DPYD: variants seen among roughly 807,000 people sequenced by gnomAD.
DPYD encodes the protein dihydropyrimidine dehydrogenase [NADP(+)].
DPYD carries 109 observed loss-of-function variants against 116.2 expected under a neutral mutation model. The observed-to-expected ratio is 0.94, with a 90% confidence interval of 0.80 to 1.10. The LOEUF (loss-of-function observed/expected upper bound fraction) is 1.10, where lower values mean the gene tolerates loss of function less well. DPYD is among the 50% of genes least tolerant of loss of function. The probability of loss-of-function intolerance (pLI) is 0.00; values close to 1 mark genes in which losing one functional copy is unlikely to be tolerated. For synonymous variants in DPYD, 440 were observed against 432.0 expected, an observed-to-expected ratio of 1.02 and a Z score of -0.23; for missense variants, 1,302 against 1,254.5, an observed-to-expected ratio of 1.04 and a Z score of -0.57.
chr1:97,166,270 T>C (rs959205046), intron 20 of DPYD, among the ~76,000 whole-genome samples: 2 of 152,150 alleles, frequency 1.3e-5, no homozygotes, highest in African/African-American at 4.8e-5. Context: ...AAGAATGAGA[T>C]CATGTCCTGT....
At chr1:97,380,133 A>G (rs539441215) in intron 15 of DPYD, among the ~76,000 whole-genome samples, 1 of 152,348 alleles carries the variant, frequency 6.6e-6, no homozygotes, top group South Asian at 2.1e-4. Flanking sequence ...GATCGACTAC[A>G]CTGGATTAAA....
At chr1:97,528,210 C>T (rs1439273432) in intron 12 of DPYD, among the ~76,000 whole-genome samples, 1 of 151,980 alleles carries the variant, frequency 6.6e-6, no homozygotes, top group African/African-American at 2.4e-5. Flanking sequence ...AGGCCTAGCT[C>T]CAGTGATTAC....
intron 13 of DPYD, among the ~76,000 whole-genome samples, chr1:97,494,333 A>T (rs1025061901): frequency 6.6e-6 from 1 of 152,182 alleles, no homozygotes; most frequent in Non-Finnish European, 1.5e-5. Context: ...ATTAGCTGGG[A>T]CTACAGGCAT....
intron 8 of DPYD, among the ~76,000 whole-genome samples, chr1:97,653,299 TCTC>T (rs1658699603): frequency 6.6e-6 from 1 of 151,238 alleles, no homozygotes. Context: ...TTTGTTTCTT[TCTC>T]CTTTTTTTTT....
intron 16 of DPYD, among the ~76,000 whole-genome samples, chr1:97,349,565 C>G (rs996213947): frequency 6.6e-6 from 1 of 151,992 alleles, no homozygotes; most frequent in African/African-American, 2.4e-5. Flanking sequence ...TCTCATTGTT[C>G]AATTCCCACC....
intron 18 of DPYD, among the ~76,000 whole-genome samples, chr1:97,268,558 G>C (rs1005372793): frequency 6.6e-6 from 1 of 152,092 alleles, no homozygotes. Flanking sequence ...TGAAGAATTA[G>C]CACTATGTGG....
intron 13 of DPYD, among the ~76,000 whole-genome samples, chr1:97,469,960 C>T (rs1284532464): frequency 2.6e-5 from 4 of 152,098 alleles, no homozygotes; most frequent in South Asian, 2.1e-4. Flanking sequence ...TCATTTTCAT[C>T]GTTCTTGCAA....
At chr1:97,771,024 A>C (rs1312453881) in intron 3 of DPYD, among the ~76,000 whole-genome samples, 1 of 152,190 alleles carries the variant, frequency 6.6e-6, no homozygotes, top group Non-Finnish European at 1.5e-5. Flanking sequence ...GCTAACATTA[A>C]AAAGAAAAAT....
intron 1 of DPYD, among the ~76,000 whole-genome samples, chr1:97,908,097 G>A (rs1274553564): frequency 6.6e-6 from 1 of 151,946 alleles, no homozygotes; most frequent in Non-Finnish European, 1.5e-5. Flanking sequence ...CCAAGCTGGA[G>A]TGCAGTGGTG....
chr1:97,203,376 C>A (rs986782104), intron 19 of DPYD, among the ~76,000 whole-genome samples: 1 of 150,990 alleles, frequency 6.6e-6, no homozygotes, highest in Admixed American at 6.6e-5. Flanking sequence ...TTTATCATAT[C>A]ATTCACTAAA....
chr1:97,896,146 A>G (rs1231961591), intron 1 of DPYD, among the ~76,000 whole-genome samples: 2 of 151,792 alleles, frequency 1.3e-5, no homozygotes, highest in Non-Finnish European at 2.9e-5. Context: ...TTAACATTTG[A>G]TTTCACGTCC....
chr1:97,295,770 C>T (rs748658315), intron 18 of DPYD: 4 of 984,044 alleles, frequency 4.1e-6, no homozygotes, highest in Non-Finnish European at 4.8e-6. Context: ...CTGTAAGAGA[C>T]ATAGTTAAGT....
chr1:97,085,014 T>G (rs1407539336), intron 21 of DPYD, among the ~76,000 whole-genome samples: 1 of 152,176 alleles, frequency 6.6e-6, no homozygotes, highest in Non-Finnish European at 1.5e-5. Flanking sequence ...CTGAACATTT[T>G]TATTGATATG....
At chr1:97,401,002 CTATTCTAATAGATGTGTAGTGG>C (rs1673342072) in intron 14 of DPYD, among the ~76,000 whole-genome samples, 1 of 152,032 alleles carries the variant, frequency 6.6e-6, no homozygotes, top group African/African-American at 2.4e-5. Context: ...TGAATTTTGG[CTATTCTAATAGATGTGTAGTGG>C]TACCTCATTG....
chr1:97,144,203 T>G (rs762171005), intron 20 of DPYD, among the ~76,000 whole-genome samples: 2 of 152,224 alleles, frequency 1.3e-5, no homozygotes, highest in Non-Finnish European at 2.9e-5. Flanking sequence ...TGCAGAGACA[T>G]AGGCAAATGC....
chr1:97,301,386 A>G (rs1281189741), intron 18 of DPYD, among the ~76,000 whole-genome samples: 1 of 152,060 alleles, frequency 6.6e-6, no homozygotes, highest in Non-Finnish European at 1.5e-5. Context: ...TTTGGTGAAA[A>G]TAGAACAAAT....
At chr1:97,200,034 A>G (rs774721271) in intron 19 of DPYD, among the ~76,000 whole-genome samples, 10 of 152,226 alleles carry the variant, frequency 6.6e-5, no homozygotes, top group Non-Finnish European at 1.3e-4. Context: ...TATTTATCCC[A>G]GGTAAATAAT....
At chr1:97,156,717 CA>C (rs1314132002) in intron 20 of DPYD, among the ~76,000 whole-genome samples, 11 of 151,940 alleles carry the variant, frequency 7.2e-5, no homozygotes, top group African/African-American at 2.7e-4. Context: ...GGCTATTCCT[CA>C]GGGACCTAGA....
At chr1:97,446,500 C>A (rs4950034) in intron 14 of DPYD, among the ~76,000 whole-genome samples, 1 of 152,012 alleles carries the variant, frequency 6.6e-6, no homozygotes. Context: ...AGTAATTAAC[C>A]GAGGAAGTGT....
Sources: gnomAD v4.1 joint callset for allele counts (sites outside exome capture counted in the v4.1 genomes callset) on GRCh38, gnomAD v4.1.1 for gene constraint, MANE v1.5 for transcripts, NCBI Gene and HGNC (gene_info 2026-07-23, HGNC 2026-07-21) for gene names.